B3GLCT: variants seen among roughly 807,000 people sequenced by gnomAD.
B3GLCT encodes the protein beta 3-glucosyltransferase, also known as beta-1,3-glucosyltransferase.
In B3GLCT, 65 loss-of-function variants were observed where a neutral mutation model predicts 63.4. The ratio of observed to expected loss-of-function variants is 1.03; its 90% CI spans 0.84 to 1.26. B3GLCT has a LOEUF of 1.26. Ranked by LOEUF, B3GLCT falls within the 50% of genes most tolerant of loss-of-function variation. The pLI is 0.00. For synonymous variants in B3GLCT, 233 were observed against 219.2 expected (o/e 1.06, Z -0.55); for missense variants, 577 against 604.8 (o/e 0.95, Z 0.48).
intron 11 of B3GLCT, among the ~76,000 whole-genome samples, chr13:31,285,467 A>T (rs184706379): frequency 5.3e-5 from 8 of 152,252 alleles, no homozygotes; most frequent in South Asian, 4.1e-4. Flanking sequence ...TAAAAATTTT[A>T]AAAAATTGTG....
intron 12 of B3GLCT, among the ~76,000 whole-genome samples, chr13:31,314,212 A>C (rs1401744557): frequency 6.6e-6 from 1 of 152,186 alleles, no homozygotes; most frequent in African/African-American, 2.4e-5. Flanking sequence ...CAGAGTCCCT[A>C]CTGGGGCACC....
At chr13:31,209,776 T>C (rs1281635330) in intron 1 of B3GLCT, among the ~76,000 whole-genome samples, 2 of 152,234 alleles carry the variant, frequency 1.3e-5, no homozygotes, top group African/African-American at 4.8e-5. Context: ...CATTATCTCA[T>C]TGGTTCCTGC....
chr13:31,276,034 G>A (rs958747996), intron 9 of B3GLCT, among the ~76,000 whole-genome samples: 1 of 152,098 alleles, frequency 6.6e-6, no homozygotes, highest in Non-Finnish European at 1.5e-5. Flanking sequence ...GTAATAAAGG[G>A]GTCATGAAGG....
intron 7 of B3GLCT, among the ~76,000 whole-genome samples, chr13:31,267,015 C>CA (rs1872357048): frequency 6.6e-6 from 1 of 152,212 alleles, no homozygotes; most frequent in African/African-American, 2.4e-5. Flanking sequence ...AGATGATCCC[C>CA]ACGCCTCAGC....
At chr13:31,217,680 C>T (rs1869624194) in intron 2 of B3GLCT, among the ~76,000 whole-genome samples, 1 of 152,202 alleles carries the variant, frequency 6.6e-6, no homozygotes, top group Non-Finnish European at 1.5e-5. Flanking sequence ...ATCCCAGCAC[C>T]ATTTATTGAA....
At chr13:31,328,692 CA>C (rs34729471) in intron 14 of B3GLCT, among the ~76,000 whole-genome samples, 19 of 45,434 alleles carry the variant, frequency 4.2e-4, no homozygotes, top group African/African-American at 7.8e-4. Flanking sequence ...AACTCCATCT[CA>C]AAAAAAAAAA....
chr13:31,250,975 A>G (rs547819601), intron 6 of B3GLCT, among the ~76,000 whole-genome samples: 1 of 152,258 alleles, frequency 6.6e-6, no homozygotes, highest in South Asian at 2.1e-4. Flanking sequence ...TCTGACTGGC[A>G]TCTGGCAGGT....
At chr13:31,235,472 A>G (rs1332679019) in intron 4 of B3GLCT, among the ~76,000 whole-genome samples, 1 of 151,992 alleles carries the variant, frequency 6.6e-6, no homozygotes, top group East Asian at 1.9e-4. Context: ...ATACGAAGGG[A>G]TACAGAGAGG....
At chr13:31,227,776 T>C (rs1870171683) in intron 3 of B3GLCT, among the ~76,000 whole-genome samples, 1 of 152,202 alleles carries the variant, frequency 6.6e-6, no homozygotes, top group Non-Finnish European at 1.5e-5. Context: ...TATAATGGAA[T>C]AAAATTAAAA....
intron 6 of B3GLCT, among the ~76,000 whole-genome samples, chr13:31,249,137 G>A (rs1024072738): frequency 1.3e-5 from 2 of 152,104 alleles, no homozygotes; most frequent in African/African-American, 2.4e-5. Flanking sequence ...GGTTCTGCTC[G>A]GTTTGTTGAT....
chr13:31,264,162 C>T (rs116652402), intron 7 of B3GLCT, among the ~76,000 whole-genome samples: 179 of 152,180 alleles, frequency 1.2e-3, no homozygotes, highest in African/African-American at 4.2e-3. Flanking sequence ...AAGACCCTGC[C>T]TCCTAATAAC....
intron 4 of B3GLCT, among the ~76,000 whole-genome samples, chr13:31,244,698 A>AG (rs1347367794): frequency 1.3e-5 from 2 of 152,080 alleles, no homozygotes; most frequent in African/African-American, 4.8e-5. Flanking sequence ...ACTACATCTA[A>AG]GTGTAATATT....
At chr13:31,258,951 C>T (rs1247115505) in intron 6 of B3GLCT, among the ~76,000 whole-genome samples, 1 of 152,066 alleles carries the variant, frequency 6.6e-6, no homozygotes, top group African/African-American at 2.4e-5. Context: ...CTCATATTGC[C>T]ATAGCTCTTT....
intron 12 of B3GLCT, among the ~76,000 whole-genome samples, chr13:31,298,907 CAT>C (rs1874090661): frequency 6.6e-6 from 1 of 152,216 alleles, no homozygotes; most frequent in Non-Finnish European, 1.5e-5. Context: ...GCTTTAAAAA[CAT>C]AGTTATGGTT....
intron 7 of B3GLCT, among the ~76,000 whole-genome samples, chr13:31,268,356 A>G (rs1199432667): frequency 6.6e-6 from 1 of 152,190 alleles, no homozygotes; most frequent in Non-Finnish European, 1.5e-5. Flanking sequence ...CACTGTGGTC[A>G]GGTGCGGTGG....
At chr13:31,312,223 C>T (rs1874745654) in intron 12 of B3GLCT, 1 of 152,164 alleles carries the variant, frequency 6.6e-6, no homozygotes, top group African/African-American at 2.4e-5. Context: ...TGGTTATGTC[C>T]TCATTTGATT....
chr13:31,244,404 A>G (rs897069968), intron 4 of B3GLCT, among the ~76,000 whole-genome samples: 2 of 152,190 alleles, frequency 1.3e-5, no homozygotes, highest in African/African-American at 4.8e-5. Context: ...AGGCAAGAGA[A>G]TCACTTGAAC....
intron 6 of B3GLCT, among the ~76,000 whole-genome samples, chr13:31,255,734 C>G (rs1871703894): frequency 6.6e-6 from 1 of 152,120 alleles, no homozygotes; most frequent in Admixed American, 6.6e-5. Flanking sequence ...GTTTTGAAAA[C>G]TGGCTGGGCA....
At chr13:31,250,164 A>T (rs1005336558) in intron 6 of B3GLCT, among the ~76,000 whole-genome samples, 4 of 152,012 alleles carry the variant, frequency 2.6e-5, no homozygotes, top group Admixed American at 2.6e-4. Context: ...TGTTGACTTT[A>T]AATTTATTTT....
Sources: gnomAD v4.1 joint callset for allele counts (sites outside exome capture counted in the v4.1 genomes callset) on GRCh38, gnomAD v4.1.1 for gene constraint, MANE v1.5 for transcripts, NCBI Gene and HGNC (gene_info 2026-07-23, HGNC 2026-07-21) for gene names.